ACSL4: variants seen among roughly 807,000 people sequenced by gnomAD.
The protein encoded by ACSL4 is long-chain-fatty-acid--CoA ligase 4.
Under a neutral mutation model 49.1 loss-of-function variants are expected in ACSL4, and 9 were observed. The ratio of observed to expected loss-of-function variants is 0.18; its 90% CI spans 0.11 to 0.32. The LOEUF (loss-of-function observed/expected upper bound fraction) is 0.32, where lower values mean the gene tolerates loss of function less well. Ranked by LOEUF, ACSL4 falls within the 10% of genes least tolerant of loss-of-function variation. The pLI, the probability that ACSL4 is intolerant of heterozygous loss-of-function variation, is 1.00. For missense variants in ACSL4, 333 were observed against 493.7 expected (o/e 0.67, Z 3.08); for synonymous variants, 191 against 170.3 (o/e 1.12, Z -0.95).
chrX:109,670,446 G>A (rs756336064), intron 9 of ACSL4, among the ~76,000 whole-genome samples: 27 of 109,032 alleles, frequency 2.5e-4, no homozygotes, highest in African/African-American at 7.7e-4. Context: ...TTAGCCGGGC[G>A]TGGTGGCAGG....
rs184194815 is a variant in ACSL4 at position 109,647,436 on chromosome X, C to A, written c.1856-3250G>T. 3.3e-3 allele frequency among the ~76,000 whole-genome samples: 366 copies of A among 111,714 alleles called. 3 individuals are homozygous for A. The highest frequency in any genetic ancestry group is 0.011 in the African/African-American group (353 of 30,733). On this transcript the variant is annotated intron_variant, in intron 15 of 15. Coordinates refer to ENST00000672401, the MANE Select transcript of ACSL4 (RefSeq NM_001318510.2). Reference sequence around the variant, plus strand: ...TCCTGGATGACTTCTGGGTACATAACGAAATGAAGACAGAAATAAAGATGT... The same window carrying A: ...TCCTGGATGACTTCTGGGTACATAAAGAAATGAAGACAGAAATAAAGATGT...
intron 1 of ACSL4, among the ~76,000 whole-genome samples, chrX:109,727,360 G>T (rs1335226484): frequency 6.3e-5 from 7 of 111,688 alleles, no homozygotes; most frequent in Non-Finnish European, 1.1e-4. Context: ...ACACTACCAT[G>T]CCTGGCTCTC....
At chrX:109,644,683 T>C (rs919536630) in intron 15 of ACSL4, among the ~76,000 whole-genome samples, 2 of 112,228 alleles carry the variant, frequency 1.8e-5, no homozygotes, top group Non-Finnish European at 3.8e-5. Flanking sequence ...GGAGCCAAGA[T>C]GGCCAAATAC....
chrX:109,675,708 A>C (rs1324755128), intron 8 of ACSL4, among the ~76,000 whole-genome samples: 6 of 112,035 alleles, frequency 5.4e-5, no homozygotes, highest in Non-Finnish European at 1.1e-4. Context: ...TTATACTCAA[A>C]GTTTACTGAA....
intron 1 of ACSL4, among the ~76,000 whole-genome samples, chrX:109,714,379 A>C (rs1250924583): frequency 8.9e-6 from 1 of 112,544 alleles, no homozygotes; most frequent in Non-Finnish European, 1.9e-5. Flanking sequence ...GTAAACTAAA[A>C]AGGTTATAGT....
intron 1 of ACSL4, among the ~76,000 whole-genome samples, chrX:109,731,604 G>C (rs1229161626): frequency 7.5e-5 from 8 of 106,147 alleles, no homozygotes; most frequent in Admixed American, 5.0e-4. Context: ...CCACAAAATT[G>C]AATTTACTCA....
chrX:109,646,176 CA>C (rs1333262206), intron 15 of ACSL4, among the ~76,000 whole-genome samples: 127 of 111,032 alleles, frequency 1.1e-3, no homozygotes, highest in Non-Finnish European at 1.8e-3. Flanking sequence ...GAGAATGCCA[CA>C]AAGATACTCC....
At chrX:109,719,459 G>C (rs1211492031) in intron 1 of ACSL4, among the ~76,000 whole-genome samples, 1 of 111,804 alleles carries the variant, frequency 8.9e-6, no homozygotes, top group African/African-American at 3.3e-5. Context: ...TGTACTCCTC[G>C]CGCTGAAAAT....
At chrX:109,680,944 C>T in intron 6 of ACSL4, 54 bp downstream of exon 6, 1 of 1,166,601 alleles carries the variant, frequency 8.6e-7, no homozygotes, top group Non-Finnish European at 1.2e-6. Context: ...CCTAACCTAC[C>T]AAAATAACAA....
intron 4 of ACSL4, among the ~76,000 whole-genome samples, chrX:109,682,505 G>C (rs1163627117): frequency 9.1e-5 from 9 of 98,422 alleles, no homozygotes; most frequent in Non-Finnish European, 2.0e-5. Context: ...ATCCCTTAAA[G>C]CTGCCAATTC....
At chrX:109,668,043 G>A (rs1334324260) in intron 11 of ACSL4, 58 bp downstream of exon 11, 5 of 901,842 alleles carry the variant, frequency 5.5e-6, no homozygotes, top group South Asian at 4.4e-5. Context: ...AAGGTAATGC[G>A]AATGTATTTT....
In ACSL4 at chrX:109,661,839, G is replaced by T. The variant is rs976962503; in HGVS notation, c.1583-194C>A. On this transcript the variant is annotated intron_variant, in intron 13 of 15. Coordinates refer to ENST00000672401, the MANE Select transcript of ACSL4 (RefSeq NM_001318510.2). ...GCAAAAACTGCATATATATAATGTT[G>T]CCCATACACACCAGTTAAAAATAAA... Among the ~76,000 whole-genome samples, 12 of 110,930 alleles carry T rather than the reference G, an allele frequency of 1.1e-4. 1 individual carries two copies. In the Admixed American group the frequency reaches 1.2e-3, roughly 11 times the overall value.
At chrX:109,700,383 A>G (rs1366334818) in intron 1 of ACSL4, among the ~76,000 whole-genome samples, 1 of 108,348 alleles carries the variant, frequency 9.2e-6, no homozygotes, top group African/African-American at 3.4e-5. Flanking sequence ...AATAACAAAA[A>G]TAAATTAGCC....
At chrX:109,649,053 A>C (rs1934883971) in intron 15 of ACSL4, among the ~76,000 whole-genome samples, 1 of 109,356 alleles carries the variant, frequency 9.1e-6, no homozygotes, top group Non-Finnish European at 1.9e-5. Context: ...AGAACATTCC[A>C]TGCTCATGGG....
chrX:109,729,020 C>T (rs1383992218), intron 1 of ACSL4, among the ~76,000 whole-genome samples: 1 of 106,428 alleles, frequency 9.4e-6, no homozygotes, highest in Non-Finnish European at 1.9e-5. Context: ...ACCACCCTGG[C>T]TAACACGGTG....
At position 109,644,739 on chromosome X, in the gene ACSL4, G is replaced by A. The variant is rs772992330; in HGVS notation, c.1856-553C>T. Among the ~76,000 whole-genome samples, 12 of 112,033 alleles carry A rather than the reference G, an allele frequency of 1.1e-4. No homozygotes were observed. The South Asian group carries it at 1.5e-3, about 14-fold the overall frequency. On this transcript the variant is annotated intron_variant, in intron 15 of 15. Coordinates refer to ENST00000672401, the MANE Select transcript of ACSL4 (RefSeq NM_001318510.2). The stretch of plus-strand genomic sequence containing the variant: ...TCCCAGCCTGAGCGACACAGAAGAC[G>A]GGTGATTTCTGCATTTCCATCTGAG...
At chrX:109,659,615 T>C in intron 14 of ACSL4, 104 bp from the exon 15 acceptor site, 1 of 532,731 alleles carries the variant, frequency 1.9e-6, no homozygotes, top group Non-Finnish European at 3.0e-6. Context: ...TATATATTTC[T>C]CTTATTTATT....
intron 9 of ACSL4, among the ~76,000 whole-genome samples, chrX:109,672,181 A>G (rs1171098057): frequency 2.8e-5 from 3 of 108,874 alleles, no homozygotes; most frequent in African/African-American, 1.0e-4. Context: ...TATAACTGAA[A>G]TATTTCTCTA....
At position 109,671,505 on chromosome X, in the gene ACSL4, C is replaced by T. The variant is rs189250718; in HGVS notation, c.1003-2332G>A. ...CCCCGTCCGGGAGGTGGCAGGCGGG[C>T]GCCTCTGCCTGGCCGCCCCGTCTGG... On this transcript the variant is annotated intron_variant, in intron 9 of 15. Coordinates refer to ENST00000672401, the MANE Select transcript of ACSL4 (RefSeq NM_001318510.2). 3.7e-3 allele frequency among the ~76,000 whole-genome samples: 406 copies of T among 110,497 alleles called. 1 individual carries two copies. The highest frequency in any genetic ancestry group is 9.8e-3 in the African/African-American group (299 of 30,456).
Sources: gnomAD v4.1 joint callset for allele counts (sites outside exome capture counted in the v4.1 genomes callset) on GRCh38, gnomAD v4.1.1 for gene constraint, MANE v1.5 for transcripts, NCBI Gene and HGNC (gene_info 2026-07-23, HGNC 2026-07-21) for gene names.